Variants in THADA observed in about 807,000 individuals in gnomAD.
THADA encodes tRNA (32-2'-O)-methyltransferase regulator THADA.
THADA carries 213 observed loss-of-function variants against 219.8 expected under a neutral mutation model. The observed-to-expected ratio is 0.97, with a 90% CI of 0.87 to 1.09. The LOEUF is 1.09. Ranked by LOEUF, THADA falls within the 50% of genes least tolerant of loss-of-function variation. The probability of loss-of-function intolerance (pLI) is 0.00; values close to 1 mark genes in which losing one functional copy is unlikely to be tolerated. For missense variants in THADA, 2,956 were observed against 2,311.3 expected, an observed-to-expected ratio of 1.28 and a Z score of -5.72; for synonymous variants, 1,018 against 828.9, an observed-to-expected ratio of 1.23 and a Z score of -3.92.
chr2:43,335,873 T>TG (rs1387916047), intron 30 of THADA, among the ~76,000 whole-genome samples: 38 of 149,058 alleles, frequency 2.5e-4, no homozygotes, highest in African/African-American at 8.9e-4. Context: ...CCGAGGCAGG[T>TG]GGATCATGAG....
chr2:43,541,368 G>A, intron 20 of THADA, 52 bp from the exon 21 acceptor site: 2 of 1,595,260 alleles, frequency 1.3e-6, no homozygotes, highest in South Asian at 1.1e-5. Flanking sequence ...CATATCCCAG[G>A]TTTCTAAAAA....
Position 43,488,327 on chromosome 2 carries a change from G to A in THADA, c.3745-3002C>T, listed in dbSNP as rs116687196. On this transcript the variant is annotated intron_variant, in intron 25 of 37. Coordinates refer to ENST00000405975, the MANE Select transcript of THADA (RefSeq NM_022065.5). ...TACCTCAAAATGAAACTCGGGAGCCGTTAGTCGTCACTCCCTATTCTCCTG... is the reference window on the plus strand; with the variant it reads ...TACCTCAAAATGAAACTCGGGAGCCATTAGTCGTCACTCCCTATTCTCCTG... 9.2e-3 allele frequency among the ~76,000 whole-genome samples: 1,398 copies of A among 152,216 alleles called. 22 individuals carry two copies. The highest frequency in any genetic ancestry group is 0.031 in the African/African-American group (1,291 of 41,522).
chr2:43,569,096 AG>A (rs1259649561), intron 14 of THADA, among the ~76,000 whole-genome samples: 1 of 152,092 alleles, frequency 6.6e-6, no homozygotes, highest in Non-Finnish European at 1.5e-5. Context: ...CTAAGCCTCC[AG>A]AGTATCTGGG....
intron 36 of THADA, among the ~76,000 whole-genome samples, chr2:43,278,036 T>C (rs866724393): frequency 1.5e-4 from 23 of 151,438 alleles, no homozygotes; most frequent in Middle Eastern, 3.4e-3. Flanking sequence ...CTGCGACCTA[T>C]GCCTCCTGGG....
At chr2:43,273,111 T>C (rs1407931245) in intron 36 of THADA, among the ~76,000 whole-genome samples, 1 of 151,986 alleles carries the variant, frequency 6.6e-6, no homozygotes, top group Non-Finnish European at 1.5e-5. Context: ...AAGCCAGCCA[T>C]GGTGGTGTGT....
rs62138774 is a variant in THADA at position 43,547,074 on chromosome 2, C to A, written c.3106+2136G>T. On this transcript the variant is annotated intron_variant, in intron 20 of 37. Coordinates refer to ENST00000405975, the MANE Select transcript of THADA (RefSeq NM_022065.5). ...TCTTTTAGGGCAGGCCTGGTGGTGA[C>A]AAAATCTCTCAGCATTTGCTTGTCT... Among the ~76,000 whole-genome samples the A allele has an allele frequency of 8.7e-3, 1,324 of 152,064 alleles. 24 individuals are homozygous for A. The highest frequency in any genetic ancestry group is 9.1e-3 in the Non-Finnish European group (619 of 67,946).
chr2:43,275,081 C>T (rs571552939), intron 36 of THADA, among the ~76,000 whole-genome samples: 3 of 146,942 alleles, frequency 2.0e-5, no homozygotes, highest in South Asian at 2.1e-4. Context: ...TGCATTACTG[C>T]GAAAATTCCA....
chr2:43,249,124 C>G (rs1230979416), intron 36 of THADA, among the ~76,000 whole-genome samples: 1 of 151,904 alleles, frequency 6.6e-6, no homozygotes, highest in Non-Finnish European at 1.5e-5. Context: ...AACTATGTTG[C>G]CCAGGCTGGG....
intron 36 of THADA, among the ~76,000 whole-genome samples, chr2:43,238,207 G>C (rs1191864711): frequency 2.7e-5 from 4 of 150,510 alleles, no homozygotes; most frequent in Non-Finnish European, 5.9e-5. Context: ...AGGAAGACTG[G>C]GCTTTGTCAA....
chr2:43,417,421 G>C (rs1677137283), intron 28 of THADA, among the ~76,000 whole-genome samples: 1 of 151,998 alleles, frequency 6.6e-6, no homozygotes, highest in Non-Finnish European at 1.5e-5. Context: ...AATTTCCTTT[G>C]TAAGAAATTC....
intron 30 of THADA, among the ~76,000 whole-genome samples, chr2:43,326,585 G>C (rs529999213): frequency 2.0e-5 from 3 of 152,260 alleles, no homozygotes; most frequent in Admixed American, 2.0e-4. Context: ...GGCAGTGTCT[G>C]GTCCATGGAC....
chr2:43,377,810 G>C (rs1264972152), intron 29 of THADA, among the ~76,000 whole-genome samples: 5 of 152,110 alleles, frequency 3.3e-5, no homozygotes, highest in Non-Finnish European at 7.4e-5. Flanking sequence ...CTACCATCCA[G>C]TGCACAGGGG....
At chr2:43,415,226 A>C (rs901293769) in intron 28 of THADA, among the ~76,000 whole-genome samples, 2 of 152,252 alleles carry the variant, frequency 1.3e-5, no homozygotes, top group African/African-American at 2.4e-5. Context: ...ATATACTAAA[A>C]GAATGAAAAT....
intron 22 of THADA, among the ~76,000 whole-genome samples, chr2:43,515,256 A>T (rs13004264): frequency 0.027 from 62 of 2,286 alleles, 1 homozygote; most frequent in African/African-American, 0.067. Context: ...TATTATATAT[A>T]ATATATAATA....
At chr2:43,552,810 GA>G (rs755530433) in intron 17 of THADA, among the ~76,000 whole-genome samples, 72 of 136,238 alleles carry the variant, frequency 5.3e-4, no homozygotes, top group Non-Finnish European at 5.1e-4. Context: ...GCCACCAAAC[GA>G]AAAAAAAAAA....
intron 26 of THADA, among the ~76,000 whole-genome samples, chr2:43,435,354 G>C (rs1186227254): frequency 2.6e-5 from 4 of 152,056 alleles, no homozygotes; most frequent in Non-Finnish European, 5.9e-5. Flanking sequence ...AGCTACTCAG[G>C]AGGCTGAGGC....
intron 31 of THADA, among the ~76,000 whole-genome samples, chr2:43,314,429 C>A (rs1277452976): frequency 6.6e-6 from 1 of 152,086 alleles, no homozygotes; most frequent in Non-Finnish European, 1.5e-5. Context: ...TGTTTAAATA[C>A]TTGGTAAAAG....
Position 43,571,843 on chromosome 2 carries a change from C to G in THADA, c.1928G>C (p.Gly643Ala). Reference protein sequence around the residue: ...QHCQVRIDTLGLLCESNRSTE... With the variant: ...QHCQVRIDTLALLCESNRSTE... Reference sequence around the variant, plus strand: ...GCTCCGATTACTTTCACAAAGCAAGCCTAATGTATCTATCCTTACCTAAAA... The same window carrying G: ...GCTCCGATTACTTTCACAAAGCAAGGCTAATGTATCTATCCTTACCTAAAA... The change falls in exon 13 of 38, where the codon GGC becomes GCC. Residue 643 changes from glycine (G) to alanine (A), a missense_variant. Transcript: ENST00000405975. The G allele has an allele frequency of 6.2e-7, 1 of 1,613,730 alleles. No homozygotes were observed. Among genetic ancestry groups the G allele is most frequent in the Non-Finnish European group, 8.5e-7 (1 of 1,179,814 alleles).
chr2:43,578,559 A>C lies in THADA; in HGVS notation c.770T>G (p.Leu257Arg). Residue 257 changes from leucine to arginine, a missense_variant, in exon 9 of 38, where the codon CTT becomes CGT. Physicochemically the swap from Leu to Arg is moderately radical, Grantham distance 102. Coordinates refer to ENST00000405975, the MANE Select transcript of THADA (RefSeq NM_022065.5). ...VQSTSGLAII[L>R]FIKTMFHPSE... ...CGGGTGAAACATAGTCTTAATAAAAAGAATAATAGCTAATCCAGATGTGCT... is the reference window on the plus strand; with the variant it reads ...CGGGTGAAACATAGTCTTAATAAAACGAATAATAGCTAATCCAGATGTGCT... 6.2e-7 allele frequency: 1 copy of C among 1,613,124 alleles called. No individual in the cohort carries two copies. The highest frequency in any genetic ancestry group is 1.1e-5 in the South Asian group (1 of 91,048).
Sources: allele counts gnomAD v4.1 joint callset (sites outside exome capture counted in the v4.1 genomes callset), GRCh38; gene constraint gnomAD v4.1.1; transcripts MANE v1.5; gene names NCBI Gene and HGNC (gene_info 2026-07-23, HGNC 2026-07-21).